Variants in GNG4 observed in about 807,000 individuals in gnomAD.
GNG4 encodes the protein G protein subunit gamma 4, also known as guanine nucleotide-binding protein G(I)/G(S)/G(O) subunit gamma-4.
GNG4 carries 4 observed loss-of-function variants against 5.8 expected under a neutral mutation model. The ratio of observed to expected loss-of-function variants is 0.69; its 90% confidence interval spans 0.34 to 1.57. GNG4 has a LOEUF of 1.57. Among genes scored for constraint, GNG4 ranks in the 40% most tolerant of loss-of-function variants. GNG4 has a pLI of 0.06. For synonymous variants in GNG4, 29 were observed against 32.9 expected (o/e 0.88, Z 0.41); for missense variants, 96 against 95.1 (o/e 1.01, Z -0.04).
chr1:235,580,692 T>A (rs2841873), intron 3 of GNG4, among the ~76,000 whole-genome samples: 8 of 150,276 alleles, frequency 5.3e-5, no homozygotes, highest in South Asian at 2.1e-4. Flanking sequence ...GGAATCTTGC[T>A]TTCACGTTTC....
chr1:235,573,148 TA>T (rs1169579973), intron 3 of GNG4, among the ~76,000 whole-genome samples: 1 of 151,694 alleles, frequency 6.6e-6, no homozygotes, highest in Non-Finnish European at 1.5e-5. Context: ...TATGCAGCCA[TA>T]AAAAAGGATG....
intron 3 of GNG4, among the ~76,000 whole-genome samples, chr1:235,562,883 T>C (rs1371266676): frequency 1.3e-5 from 2 of 152,144 alleles, no homozygotes; most frequent in African/African-American, 4.8e-5. Context: ...ATATATCTGA[T>C]ATATTTTTGC....
In GNG4 at chr1:235,610,849, CT is replaced by C. The variant is rs981044728; in HGVS notation, c.-122-15339del. Among the ~76,000 whole-genome samples the C allele has an allele frequency of 7.9e-5, 12 of 152,270 alleles. 1 individual carries two copies. The highest frequency in any genetic ancestry group is 6.2e-4 in the South Asian group (3 of 4,828). The stretch of plus-strand genomic sequence containing the variant: ...CCTGTAATCCCAACACTTTGGGAGG[CT>C]GAGGAGGGCGGATCACCTGAGGTCA... On this transcript the variant is annotated intron_variant, in intron 1 of 3. Coordinates refer to ENST00000391854, the MANE Select transcript of GNG4 (RefSeq NM_001098722.2).
In GNG4 at chr1:235,571,300, G is replaced by C. The variant is rs149841838; in HGVS notation, c.99+12440C>G. Among the ~76,000 whole-genome samples, 18 of 152,312 alleles carry C rather than the reference G, an allele frequency of 1.2e-4. No homozygotes were observed. In the East Asian group the frequency reaches 3.3e-3, roughly 28 times the overall value. On this transcript the variant is annotated intron_variant, in intron 3 of 3. Coordinates refer to ENST00000391854, the MANE Select transcript of GNG4 (RefSeq NM_001098722.2). Reference sequence around the variant, plus strand: ...CGAAGGCTCTGGAGACACACTCCCTGGTTTCCTATCCCTGGGCTCTCATCA... The same window carrying C: ...CGAAGGCTCTGGAGACACACTCCCTCGTTTCCTATCCCTGGGCTCTCATCA...
At chr1:235,591,749 G>C (rs544801558) in intron 2 of GNG4, among the ~76,000 whole-genome samples, 5 of 152,226 alleles carry the variant, frequency 3.3e-5, no homozygotes, top group Admixed American at 3.3e-4. Flanking sequence ...ATGAGGCAAG[G>C]GGGAAAAGGG....
chr1:235,576,954 A>G (rs1342405334), intron 3 of GNG4, among the ~76,000 whole-genome samples: 2 of 152,170 alleles, frequency 1.3e-5, no homozygotes, highest in African/African-American at 4.8e-5. Context: ...TCCTCCATGA[A>G]TCGTGCAAAG....
chr1:235,623,149 C>A (rs1688743363), intron 1 of GNG4, among the ~76,000 whole-genome samples: 1 of 152,128 alleles, frequency 6.6e-6, no homozygotes, highest in Non-Finnish European at 1.5e-5. Flanking sequence ...TTTCCCTGAC[C>A]AGAAAGACAG....
chr1:235,609,600 G>T (rs555013000), intron 1 of GNG4, among the ~76,000 whole-genome samples: 2 of 152,036 alleles, frequency 1.3e-5, no homozygotes, highest in Non-Finnish European at 2.9e-5. Context: ...TTTCAGAAAG[G>T]TTGCAAGTAT....
At chr1:235,624,483 A>T (rs1484377823) in intron 1 of GNG4, among the ~76,000 whole-genome samples, 1 of 152,152 alleles carries the variant, frequency 6.6e-6, no homozygotes, top group African/African-American at 2.4e-5. Context: ...TGACAGTTAG[A>T]GGAAAATGAT....
intron 1 of GNG4, among the ~76,000 whole-genome samples, chr1:235,607,501 G>A (rs1301827501): frequency 1.3e-5 from 2 of 152,196 alleles, no homozygotes; most frequent in African/African-American, 2.4e-5. Flanking sequence ...GGAGGCAGCC[G>A]CCTACAGCGG....
At chr1:235,594,988 C>T (rs914002) in intron 2 of GNG4, among the ~76,000 whole-genome samples, 1 of 151,956 alleles carries the variant, frequency 6.6e-6, no homozygotes, top group Non-Finnish European at 1.5e-5. Flanking sequence ...GCTTAAACTG[C>T]GAGTGGGGAG....
intron 3 of GNG4, among the ~76,000 whole-genome samples, chr1:235,561,410 A>C (rs291350): frequency 8.8e-5 from 13 of 148,072 alleles, no homozygotes; most frequent in Admixed American, 4.6e-4. Context: ...CTCTCTCTCT[A>C]TATATATACA....
intron 3 of GNG4, among the ~76,000 whole-genome samples, chr1:235,570,049 G>A (rs1033961535): frequency 2.8e-4 from 42 of 152,128 alleles, no homozygotes; most frequent in African/African-American, 9.4e-4. Flanking sequence ...CAAGCAGTTT[G>A]GACCTGCAGA....
Position 235,623,764 on chromosome 1 carries a change from G to C in GNG4, c.-123+25898C>G, listed in dbSNP as rs115215960. Among the ~76,000 whole-genome samples, 361 of 152,280 alleles carry C rather than the reference G, an allele frequency of 2.4e-3. 3 individuals carry two copies. The highest frequency in any genetic ancestry group is 8.3e-3 in the African/African-American group (344 of 41,548). ...CAGAGCGGGGGGTGCCTCCGCCACA[G>C]CAGCCCCCCTCATCATGCTGTCTCC... On this transcript the variant is annotated intron_variant, in intron 1 of 3. Transcript: ENST00000391854.
chr1:235,574,548 T>C (rs890150825), intron 3 of GNG4, among the ~76,000 whole-genome samples: 13 of 152,298 alleles, frequency 8.5e-5, no homozygotes, highest in African/African-American at 2.2e-4. Context: ...CATGCTTAGG[T>C]ATGTGTTCGA....
intron 1 of GNG4, among the ~76,000 whole-genome samples, chr1:235,605,345 C>A (rs1020135503): frequency 3.9e-5 from 6 of 152,084 alleles, no homozygotes; most frequent in African/African-American, 1.4e-4. Context: ...CATGCGCCAC[C>A]ACGCCCAGCT....
Position 235,552,051 on chromosome 1 carries a change from T to G in GNG4, c.*58A>C. 1 of 1,533,194 alleles carries G rather than the reference T, an allele frequency of 6.5e-7. No homozygotes were observed. The highest frequency in any genetic ancestry group is 1.1e-5 in the South Asian group (1 of 88,598). 95.0% of individuals were successfully genotyped at this position (1,533,194 alleles called of 1,614,324 possible). A position where few individuals can be genotyped will look rare whatever the true frequency, so the allele number is the denominator to read the frequency against. On this transcript the variant is annotated 3_prime_UTR_variant, in exon 4 of 4. Coordinates refer to ENST00000391854, the MANE Select transcript of GNG4 (RefSeq NM_001098722.2). ...CACTCCCTAAGGCTTAGAGCATGCA[T>G]GGTCTCTACAGGGGACTTTGAAGGT...
At position 235,548,374 on chromosome 1, in the gene GNG4, G is replaced by C. The variant is rs1330780604; in HGVS notation, c.*3735C>G. 1 of 152,230 alleles carries C rather than the reference G, an allele frequency of 6.6e-6. No homozygotes were observed. Among genetic ancestry groups the C allele is most frequent in the African/African-American group, 2.4e-5 (1 of 41,432 alleles). The allele number at this position is 152,230 out of a possible 1,614,324, so 9.4% of individuals were successfully genotyped here. ...CGAGTCCAAGGAGTGGAGCAGAAAT[G>C]ACATTCCCAGGACGCTGCCATCCCT... On this transcript the variant is annotated 3_prime_UTR_variant, in exon 4 of 4. Transcript: ENST00000391854.
chr1:235,643,606 T>G (rs1047255077), intron 1 of GNG4, among the ~76,000 whole-genome samples: 1 of 152,242 alleles, frequency 6.6e-6, no homozygotes. Flanking sequence ...AAGGTTCACA[T>G]GCAGTCTTCG....
Sources: gnomAD v4.1 joint callset for allele counts (sites outside exome capture counted in the v4.1 genomes callset) on GRCh38, gnomAD v4.1.1 for gene constraint, MANE v1.5 for transcripts, NCBI Gene and HGNC (gene_info 2026-07-23, HGNC 2026-07-21) for gene names.